RALGAPA2: variants seen among roughly 807,000 people sequenced by gnomAD.
RALGAPA2 encodes the protein ral GTPase-activating protein subunit alpha-2.
RALGAPA2 carries 139 observed loss-of-function variants against 230.4 expected under a neutral mutation model. The observed-to-expected ratio is 0.60, with a 90% CI of 0.53 to 0.69. The LOEUF (loss-of-function observed/expected upper bound fraction) is 0.69, where lower values mean the gene tolerates loss of function less well. Among genes scored for constraint, RALGAPA2 ranks in the 30% least tolerant of loss-of-function variants. RALGAPA2 has a pLI of 0.00. For missense variants in RALGAPA2, 2,163 were observed against 2,276.0 expected, an observed-to-expected ratio of 0.95 and a Z score of 1.01; for synonymous variants, 847 against 837.8, an observed-to-expected ratio of 1.01 and a Z score of -0.19.
chr20:20,393,376 C>T (rs761426353), intron 39 of RALGAPA2, 123 bp from the exon 40 acceptor site: 27 of 642,246 alleles, frequency 4.2e-5, no homozygotes, highest in Non-Finnish European at 5.7e-5. Context: ...GTCTGGTGAC[C>T]TCCTCCCACG....
chr20:20,502,996 G>A (rs1022899819), intron 35 of RALGAPA2, among the ~76,000 whole-genome samples: 6 of 152,100 alleles, frequency 3.9e-5, no homozygotes, highest in East Asian at 1.9e-4. Flanking sequence ...ACAGTGGGGC[G>A]GCTGAGCAGC....
intron 8 of RALGAPA2, among the ~76,000 whole-genome samples, chr20:20,636,662 A>T (rs2146476935): frequency 6.6e-6 from 1 of 152,206 alleles, no homozygotes; most frequent in East Asian, 1.9e-4. Context: ...ATCTCGTGTC[A>T]CCACTTCCCC....
At chr20:20,405,443 G>T (rs2059925665) in intron 38 of RALGAPA2, among the ~76,000 whole-genome samples, 1 of 152,202 alleles carries the variant, frequency 6.6e-6, no homozygotes, top group Non-Finnish European at 1.5e-5. Context: ...CTCAGTGGCA[G>T]CCTCCAGGGG....
chr20:20,693,670 C>A (rs1166311155), intron 1 of RALGAPA2, among the ~76,000 whole-genome samples: 2 of 152,138 alleles, frequency 1.3e-5, no homozygotes, highest in Non-Finnish European at 2.9e-5. Flanking sequence ...CACAAAACAG[C>A]TTTGTATACA....
At chr20:20,618,083 A>T (rs1051694114) in intron 12 of RALGAPA2, among the ~76,000 whole-genome samples, 1 of 152,214 alleles carries the variant, frequency 6.6e-6, no homozygotes, top group Non-Finnish European at 1.5e-5. Context: ...ATGTTACTCA[A>T]AGACCTGCTG....
chr20:20,564,016 T>C (rs932527242), intron 23 of RALGAPA2, among the ~76,000 whole-genome samples: 2 of 152,214 alleles, frequency 1.3e-5, no homozygotes, highest in Non-Finnish European at 2.9e-5. Context: ...GTCATCATTC[T>C]TTCATGATTA....
intron 3 of RALGAPA2, among the ~76,000 whole-genome samples, chr20:20,673,463 C>A (rs557354272): frequency 5.3e-5 from 8 of 151,898 alleles, no homozygotes; most frequent in Non-Finnish European, 1.2e-4. Context: ...GGGATTATGA[C>A]TCTCCAAAGA....
At chr20:20,537,923 T>G (rs935025229) in intron 24 of RALGAPA2, among the ~76,000 whole-genome samples, 3 of 152,228 alleles carry the variant, frequency 2.0e-5, no homozygotes, top group Non-Finnish European at 2.9e-5. Flanking sequence ...CCAAAGAAGT[T>G]AAGCAGCTTT....
At chr20:20,591,778 G>A (rs2065299146) in intron 16 of RALGAPA2, among the ~76,000 whole-genome samples, 1 of 152,092 alleles carries the variant, frequency 6.6e-6, no homozygotes, top group Non-Finnish European at 1.5e-5. Context: ...ACAGGTAAGT[G>A]CCCAACTGTC....
chr20:20,691,212 G>T (rs2068892665), intron 1 of RALGAPA2, among the ~76,000 whole-genome samples: 1 of 152,036 alleles, frequency 6.6e-6, no homozygotes, highest in Admixed American at 6.6e-5. Flanking sequence ...ACCTTACTGG[G>T]TCCTTGAATC....
chr20:20,569,302 C>T (rs1055712254), intron 23 of RALGAPA2, among the ~76,000 whole-genome samples: 18 of 152,234 alleles, frequency 1.2e-4, no homozygotes, highest in African/African-American at 2.4e-5. Flanking sequence ...AGACAGTCAG[C>T]GCTTCTAAAA....
intron 36 of RALGAPA2, 85 bp from the exon 37 acceptor site, chr20:20,473,041 C>A (rs1187532856): frequency 1.4e-6 from 2 of 1,387,498 alleles, no homozygotes; most frequent in Non-Finnish European, 2.0e-6. Flanking sequence ...GATGTCAGAC[C>A]TGCAATGAGC....
intron 1 of RALGAPA2, among the ~76,000 whole-genome samples, chr20:20,700,973 T>C (rs2069335719): frequency 6.6e-6 from 1 of 152,268 alleles, no homozygotes; most frequent in African/African-American, 2.4e-5. Flanking sequence ...CTAGCTATTC[T>C]GAAATCACAT....
In RALGAPA2 at chr20:20,524,817, A is replaced by G; in HGVS notation, c.3762+13T>C. The G allele has an allele frequency of 6.4e-7, 1 of 1,572,256 alleles. No individual in the cohort carries two copies. Among genetic ancestry groups the G allele is most frequent in the Non-Finnish European group, 8.6e-7 (1 of 1,163,780 alleles). ...AAAAACTATAGGAAAAACTTAGTTA[A>G]TGTGCCACCTACCTTCTTGTCTGTT... On this transcript the variant is annotated intron_variant, in intron 29 of 39. Coordinates refer to ENST00000202677, the MANE Select transcript of RALGAPA2 (RefSeq NM_020343.4).
At chr20:20,400,862 A>G (rs948029513) in intron 38 of RALGAPA2, among the ~76,000 whole-genome samples, 1 of 152,232 alleles carries the variant, frequency 6.6e-6, no homozygotes, top group African/African-American at 2.4e-5. Flanking sequence ...AAAGAAATGG[A>G]ATACCGATAT....
chr20:20,468,032 T>C (rs1424137348), intron 37 of RALGAPA2, among the ~76,000 whole-genome samples: 1 of 152,170 alleles, frequency 6.6e-6, no homozygotes, highest in Non-Finnish European at 1.5e-5. Flanking sequence ...CTTCTTCTTC[T>C]TTTTTCCCTC....
chr20:20,668,334 C>T (rs1373471729), intron 3 of RALGAPA2, among the ~76,000 whole-genome samples: 4 of 152,006 alleles, frequency 2.6e-5, no homozygotes, highest in Admixed American at 2.6e-4. Context: ...ACCCATGAGG[C>T]GGAGGTTGCA....
chr20:20,606,019 C>A (rs2065809906), intron 14 of RALGAPA2, among the ~76,000 whole-genome samples: 1 of 152,098 alleles, frequency 6.6e-6, no homozygotes, highest in African/African-American at 2.4e-5. Flanking sequence ...CTTAACCACC[C>A]CTCTCCTTTA....
At chr20:20,527,177 G>A (rs2063228714) in intron 27 of RALGAPA2, among the ~76,000 whole-genome samples, 1 of 152,022 alleles carries the variant, frequency 6.6e-6, no homozygotes, top group South Asian at 2.1e-4. Context: ...CCTAGTCTAG[G>A]GACACCTCAC....
Sources: gnomAD v4.1 joint callset for allele counts (sites outside exome capture counted in the v4.1 genomes callset) on GRCh38, gnomAD v4.1.1 for gene constraint, MANE v1.5 for transcripts, NCBI Gene and HGNC (gene_info 2026-07-23, HGNC 2026-07-21) for gene names.